ZNF652: variants seen among roughly 807,000 people sequenced by gnomAD.
ZNF652 encodes zinc finger protein 652.
In ZNF652, 16 loss-of-function variants were observed where a neutral mutation model predicts 45.2. The ratio of observed to expected loss-of-function variants is 0.35; its 90% CI spans 0.24 to 0.54. ZNF652 has a LOEUF of 0.54. Ranked by LOEUF, ZNF652 falls within the 20% of genes least tolerant of loss-of-function variation. The pLI, the probability that ZNF652 is intolerant of heterozygous loss-of-function variation, is 0.91. For synonymous variants in ZNF652, 250 were observed against 260.6 expected (o/e 0.96, Z 0.39); for missense variants, 614 against 765.6 (o/e 0.80, Z 2.34).
intron 1 of ZNF652, among the ~76,000 whole-genome samples, chr17:49,358,357 AT>A (rs2070359139): frequency 6.6e-6 from 1 of 152,248 alleles, no homozygotes; most frequent in Non-Finnish European, 1.5e-5. Context: ...CCTGAGAAAA[AT>A]ATCACACCTA....
chr17:49,298,966 G>A (rs773613199), intron 5 of ZNF652, 42 bp from the exon 6 acceptor site: 1 of 1,540,944 alleles, frequency 6.5e-7, no homozygotes, highest in Non-Finnish European at 8.7e-7. Flanking sequence ...CATATTAGGT[G>A]GTAATTGTGT....
In ZNF652 at chr17:49,311,419, C is replaced by T. The variant is rs747745720; in HGVS notation, c.1202G>A (p.Arg401His). 5.6e-6 allele frequency: 9 copies of T among 1,614,102 alleles called. No individual in the cohort carries two copies. The highest frequency in any genetic ancestry group is 7.6e-6 in the Non-Finnish European group (9 of 1,180,008). ...DERFQYKYQL[R>H]SHMSIHIGHK... ...CCCAATATGAATGCTCATGTGGGAG[C>T]GTAGCTGGTACTTGTACTGAAACCT... The change falls in exon 5 of 6, where the codon CGC (arginine) becomes CAC (histidine). Residue 401 changes from arginine (R) to histidine (H), a missense_variant. Arg to His is a conservative substitution (Grantham distance 29). Transcript: ENST00000430262.
intron 5 of ZNF652, among the ~76,000 whole-genome samples, chr17:49,304,304 T>C (rs997326436): frequency 6.6e-6 from 1 of 152,136 alleles, no homozygotes; most frequent in African/African-American, 2.4e-5. Flanking sequence ...AATTGGTTTT[T>C]TTTACTGCTT....
At chr17:49,350,277 G>A (rs1243954599) in intron 1 of ZNF652, among the ~76,000 whole-genome samples, 2 of 152,028 alleles carry the variant, frequency 1.3e-5, no homozygotes, top group African/African-American at 4.8e-5. Context: ...GGTGGCTCAT[G>A]CCTGTAATCC....
chr17:49,360,419 T>C (rs1248294196), intron 1 of ZNF652, among the ~76,000 whole-genome samples: 4 of 152,216 alleles, frequency 2.6e-5, no homozygotes, highest in African/African-American at 7.2e-5. Context: ...AAGACTTCCA[T>C]GAACCCAAAC....
chr17:49,314,753 T>G (rs1813467361), intron 2 of ZNF652, among the ~76,000 whole-genome samples: 1 of 152,196 alleles, frequency 6.6e-6, no homozygotes, highest in African/African-American at 2.4e-5. Context: ...AATAAAGATC[T>G]CTAAACATCA....
In ZNF652 at chr17:49,298,236, T is replaced by A; in HGVS notation, c.*177A>T. 1.3e-6 allele frequency: 1 copy of A among 776,094 alleles called. No homozygotes were observed. 48.1% of individuals were successfully genotyped at this position (776,094 alleles called of 1,614,324 possible). A position where few individuals can be genotyped will look rare whatever the true frequency, so the allele number is the denominator to read the frequency against. On this transcript the variant is annotated 3_prime_UTR_variant, in exon 6 of 6. Coordinates refer to ENST00000430262, the MANE Select transcript of ZNF652 (RefSeq NM_001145365.3). ...CCTGGTTTAGATGACAGTCCCTCTGTGAGCTCAAGGTAGTCTTCTTGTTCA... is the reference window on the plus strand; with the variant it reads ...CCTGGTTTAGATGACAGTCCCTCTGAGAGCTCAAGGTAGTCTTCTTGTTCA...
chr17:49,328,924 G>A (rs1308551693), intron 1 of ZNF652, among the ~76,000 whole-genome samples: 1 of 152,176 alleles, frequency 6.6e-6, no homozygotes, highest in African/African-American at 2.4e-5. Flanking sequence ...CTAACTCCTA[G>A]TCCAAGTTTA....
At chr17:49,332,248 C>T (rs1447784302) in intron 1 of ZNF652, among the ~76,000 whole-genome samples, 1 of 152,112 alleles carries the variant, frequency 6.6e-6, no homozygotes, top group African/African-American at 2.4e-5. Context: ...AGCCTGGGGA[C>T]ATTGCCTCAA....
chr17:49,315,481 T>C (rs918346090), intron 2 of ZNF652, among the ~76,000 whole-genome samples: 12 of 151,716 alleles, frequency 7.9e-5, no homozygotes, highest in Admixed American at 6.6e-4. Flanking sequence ...TTAAAAGTAG[T>C]ATGATGAAGA....
At chr17:49,350,580 A>G (rs534777049) in intron 1 of ZNF652, among the ~76,000 whole-genome samples, 1 of 152,124 alleles carries the variant, frequency 6.6e-6, no homozygotes, top group African/African-American at 2.4e-5. Flanking sequence ...ACTTATTGCA[A>G]TAGCATAAAC....
chr17:49,314,201 G>A (rs868305519), intron 2 of ZNF652, among the ~76,000 whole-genome samples: 8 of 151,136 alleles, frequency 5.3e-5, no homozygotes, highest in East Asian at 3.9e-4. Flanking sequence ...TCACTCTGTC[G>A]CCCAGGCTGG....
intron 1 of ZNF652, among the ~76,000 whole-genome samples, chr17:49,334,271 A>T (rs1204205762): frequency 6.6e-6 from 1 of 152,194 alleles, no homozygotes; most frequent in Non-Finnish European, 1.5e-5. Flanking sequence ...ACTTGAGCCC[A>T]GGAGTTTGCA....
chr17:49,349,880 T>C (rs1024971895), intron 1 of ZNF652, among the ~76,000 whole-genome samples: 1 of 152,154 alleles, frequency 6.6e-6, no homozygotes. Flanking sequence ...AAGATACTAA[T>C]GTCAAAGATA....
chr17:49,341,227 A>C (rs1469495036), intron 1 of ZNF652, among the ~76,000 whole-genome samples: 1 of 152,044 alleles, frequency 6.6e-6, no homozygotes, highest in Non-Finnish European at 1.5e-5. Context: ...AAAAGAAAAG[A>C]AAAGAAGAAA....
intron 5 of ZNF652, among the ~76,000 whole-genome samples, chr17:49,299,900 G>A (rs1307395664): frequency 6.7e-6 from 1 of 149,280 alleles, no homozygotes; most frequent in Non-Finnish European, 1.5e-5. Flanking sequence ...TGCCCAGGCT[G>A]GTCTTGAACC....
chr17:49,289,001 A>G (rs2069368462), downstream of ZNF652, among the ~76,000 whole-genome samples: 1 of 152,200 alleles, frequency 6.6e-6, no homozygotes, highest in Non-Finnish European at 1.5e-5. Flanking sequence ...TTTGGTTAAC[A>G]GCCTTGAAAA....
chr17:49,317,082 T>C lies in ZNF652; in HGVS notation c.644A>G (p.Lys215Arg). ...PTPRTTRGRR[K>R]SVEPPKRKKR... ...CTTACGCTTAGGTGGCTCTACACTCTTCCTACGACCTCTTGTAGTTCTGGG... is the reference window on the plus strand; with the variant it reads ...CTTACGCTTAGGTGGCTCTACACTCCTCCTACGACCTCTTGTAGTTCTGGG... The change falls in exon 2 of 6, where the codon AAG (lysine) becomes AGG (arginine). Residue 215 changes from lysine to arginine, a missense_variant. Physicochemically the swap from Lys to Arg is conservative, Grantham distance 26 (BLOSUM62 2). Coordinates refer to ENST00000430262, the MANE Select transcript of ZNF652 (RefSeq NM_001145365.3). 3 of 1,614,144 alleles carry C rather than the reference T, an allele frequency of 1.9e-6. No homozygotes were observed. The highest frequency in any genetic ancestry group is 1.3e-5 in the African/African-American group (1 of 75,040).
chr17:49,348,322 T>C (rs933279043), intron 1 of ZNF652, among the ~76,000 whole-genome samples: 4 of 151,342 alleles, frequency 2.6e-5, no homozygotes, highest in African/African-American at 9.7e-5. Flanking sequence ...GAGACCCCTA[T>C]CTCTACAAAA....
Sources: allele counts gnomAD v4.1 joint callset (sites outside exome capture counted in the v4.1 genomes callset), GRCh38; gene constraint gnomAD v4.1.1; transcripts MANE v1.5; gene names NCBI Gene and HGNC (gene_info 2026-07-23, HGNC 2026-07-21).